Variants in NFASC observed in about 807,000 individuals in gnomAD.
The protein encoded by NFASC is neurofascin.
In NFASC, 43 loss-of-function variants were observed where a neutral mutation model predicts 147.5. That is an observed-to-expected ratio of 0.29 (90% CI 0.23 to 0.38). The LOEUF is 0.38. NFASC is among the 10% of genes least tolerant of loss of function. The pLI, the probability that NFASC is intolerant of heterozygous loss-of-function variation, is 1.00. For synonymous variants in NFASC, 622 were observed against 665.5 expected (o/e 0.93, Z 1.01); for missense variants, 1,320 against 1,689.0 (o/e 0.78, Z 3.83).
intron 16 of NFASC, among the ~76,000 whole-genome samples, chr1:204,977,393 C>G (rs552269639): frequency 6.6e-6 from 1 of 152,314 alleles, no homozygotes; most frequent in African/African-American, 2.4e-5. Flanking sequence ...GCCCTACTGC[C>G]ACTAGCATTG....
intron 25 of NFASC, 41 bp downstream of exon 25, chr1:204,997,447 G>A (rs375325912): frequency 2.6e-4 from 401 of 1,550,766 alleles, no homozygotes; most frequent in Non-Finnish European, 3.2e-4. Context: ...CTCCTGGCCC[G>A]CCTCCCCAGC....
chr1:204,953,011 G>C (rs946520851), intron 5 of NFASC, among the ~76,000 whole-genome samples: 6 of 152,238 alleles, frequency 3.9e-5, no homozygotes, highest in Non-Finnish European at 5.9e-5. Flanking sequence ...CACCCTGAAG[G>C]GTTAGTCAGG....
At chr1:204,868,329 G>A (rs1405732582) in intron 1 of NFASC, among the ~76,000 whole-genome samples, 1 of 152,206 alleles carries the variant, frequency 6.6e-6, no homozygotes, top group Non-Finnish European at 1.5e-5. Context: ...CTCTTTGGAG[G>A]GAGCTGTGGC....
At chr1:204,983,206 C>A (rs1050501177) in intron 21 of NFASC, among the ~76,000 whole-genome samples, 1 of 152,152 alleles carries the variant, frequency 6.6e-6, no homozygotes. Context: ...GCTGCTTTTG[C>A]GGCAGAGTGG....
In NFASC at chr1:204,974,405, C is replaced by G. The variant is rs555911402; in HGVS notation, c.1391+115C>G. 27 of 871,990 alleles carry G rather than the reference C, an allele frequency of 3.1e-5. No homozygotes were observed. The African/African-American group carries it at 4.5e-4, about 15-fold the overall frequency. The allele number at this position is 871,990 out of a possible 1,614,324, so 54.0% of individuals were successfully genotyped here. On this transcript the variant is annotated intron_variant, in intron 13 of 29. Transcript: ENST00000339876. ...ACCTGGGAATCTTAAAGGGTCAAAG[C>G]TGGGAGGAAGTTAGCAGATCATCTG...
At chr1:204,879,338 G>C (rs142296655) in intron 1 of NFASC, among the ~76,000 whole-genome samples, 65 of 152,276 alleles carry the variant, frequency 4.3e-4, no homozygotes, top group African/African-American at 1.5e-3. Context: ...ATTACTACTC[G>C]TCTCCCCCGC....
intron 1 of NFASC, among the ~76,000 whole-genome samples, chr1:204,850,578 G>T (rs1572027023): frequency 6.6e-6 from 1 of 152,334 alleles, no homozygotes; most frequent in East Asian, 1.9e-4. Context: ...TGCTATTCTT[G>T]TGATAGTGAG....
At chr1:204,971,274 C>T (rs549490109) in intron 11 of NFASC, among the ~76,000 whole-genome samples, 34 of 152,252 alleles carry the variant, frequency 2.2e-4, no homozygotes, top group African/African-American at 6.5e-4. Flanking sequence ...TGCACTTTAT[C>T]GAGTATGCTT....
At chr1:204,833,046 C>T (rs889230916) in intron 1 of NFASC, among the ~76,000 whole-genome samples, 6 of 152,180 alleles carry the variant, frequency 3.9e-5, no homozygotes, top group African/African-American at 1.4e-4. Flanking sequence ...AATGGCTGTG[C>T]GGGGTGCTTG....
intron 8 of NFASC, among the ~76,000 whole-genome samples, chr1:204,966,789 T>A (rs554849767): frequency 6.6e-6 from 1 of 152,334 alleles, no homozygotes; most frequent in Admixed American, 6.5e-5. Context: ...ATTTGCTGTA[T>A]GCCGTGTATT....
At position 205,016,548 on chromosome 1, in the gene NFASC, A is replaced by C. The variant is rs1574571369; in HGVS notation, c.*9A>C. The C allele has an allele frequency of 2.5e-6, 4 of 1,600,930 alleles. No homozygotes were observed. Among genetic ancestry groups the C allele is most frequent in the Non-Finnish European group, 3.4e-6 (4 of 1,168,138 alleles). ...TCTACTCTCTGGCCTAACGGAGCCC[A>C]CCCAGGCACAGCCACCACTTTGCAA... On this transcript the variant is annotated 3_prime_UTR_variant, in exon 30 of 30. Transcript: ENST00000339876. This position sits in a 1 kb window ranked among gnomAD's most constrained non-coding sequence, Gnocchi z 5.1.
rs2095863125 is a variant in NFASC, at chr1:204,997,191, C to G, written c.2804C>G (p.Thr935Ser). ...TCAGCTCCTCCCACATTGCCCCCGACTACCGTGGGTGCGACGGGCGCTGTG... is the reference window on the plus strand; with the variant it reads ...TCAGCTCCTCCCACATTGCCCCCGAGTACCGTGGGTGCGACGGGCGCTGTG... ...PTAAPPTLPPTTVGATGAVSS... is the reference protein window; with the variant it reads ...PTAAPPTLPPSTVGATGAVSS... The change falls in exon 25 of 30, where the codon ACT (threonine) becomes AGT (serine). Residue 935 changes from threonine to serine, a missense_variant. This residue lies in a region of NFASC where 981 missense variants were observed against 1,289.5 expected (regional missense o/e 0.76). Transcript: ENST00000339876. 1.2e-6 allele frequency: 2 copies of G among 1,612,786 alleles called. No homozygotes were observed. Among genetic ancestry groups the G allele is most frequent in the Non-Finnish European group, 1.7e-6 (2 of 1,178,924 alleles).
intron 1 of NFASC, among the ~76,000 whole-genome samples, chr1:204,847,696 C>T (rs1333717689): frequency 6.6e-6 from 1 of 152,158 alleles, no homozygotes; most frequent in Non-Finnish European, 1.5e-5. Context: ...CTTTTTTCTC[C>T]AGAAAATTCC....
intron 3 of NFASC, 100 bp from the exon 4 acceptor site, chr1:204,950,457 C>A: frequency 9.0e-7 from 1 of 1,109,220 alleles, no homozygotes; most frequent in South Asian, 1.3e-5. Context: ...ACACCCCGCC[C>A]ACTCCCTGTG....
rs572746885 is a variant in NFASC at position 204,862,623 on chromosome 1, AT to A, written c.-200+33843del. Among the ~76,000 whole-genome samples, 179 of 152,344 alleles carry A rather than the reference AT, an allele frequency of 1.2e-3. 2 individuals are homozygous for A. Among genetic ancestry groups the A allele is most frequent in the African/African-American group, 4.0e-3 (165 of 41,572 alleles). ...GGTGGGATGGTTAACACAAAATAGTATTACCCAGCTGCTAGAGAGGAGAAGG... is the reference window on the plus strand; with the variant it reads ...GGTGGGATGGTTAACACAAAATAGTATACCCAGCTGCTAGAGAGGAGAAGG... On this transcript the variant is annotated intron_variant, in intron 1 of 29. Transcript: ENST00000339876.
intron 2 of NFASC, among the ~76,000 whole-genome samples, chr1:204,928,958 A>C (rs2092053465): frequency 6.6e-6 from 1 of 152,110 alleles, no homozygotes; most frequent in South Asian, 2.1e-4. Flanking sequence ...CTAGAGGGAA[A>C]AGTCCCTTTC....
At chr1:204,934,397 G>T (rs1223475012) in intron 2 of NFASC, among the ~76,000 whole-genome samples, 1 of 152,150 alleles carries the variant, frequency 6.6e-6, no homozygotes. Flanking sequence ...CCAGTTGCAA[G>T]TGATAGAAAA....
intron 24 of NFASC, among the ~76,000 whole-genome samples, chr1:204,995,485 C>T (rs1157361167): frequency 6.6e-6 from 1 of 151,992 alleles, no homozygotes; most frequent in African/African-American, 2.4e-5. Context: ...GGGAGAGTTG[C>T]CCCACCGCTC....
At chr1:204,916,377 A>G (rs997448056) in intron 1 of NFASC, among the ~76,000 whole-genome samples, 1 of 152,242 alleles carries the variant, frequency 6.6e-6, no homozygotes, top group Admixed American at 6.5e-5. Context: ...ACTGGTGGTA[A>G]TTGTGATTTC....
Sources: allele counts gnomAD v4.1 joint callset (sites outside exome capture counted in the v4.1 genomes callset), GRCh38; gene constraint gnomAD v4.1.1; regional missense constraint gnomAD v4.1.1; non-coding constraint Gnocchi (gnomAD v3.1); transcripts MANE v1.5; gene names NCBI Gene and HGNC (gene_info 2026-07-23, HGNC 2026-07-21).